Variants in GPC6 observed in about 807,000 individuals in gnomAD.
GPC6 encodes glypican 6, also known as glypican-6.
A neutral mutation model predicts 55.2 loss-of-function variants in GPC6; 14 were observed. The ratio of observed to expected loss-of-function variants is 0.25; its 90% CI spans 0.17 to 0.40. The LOEUF (loss-of-function observed/expected upper bound fraction) is 0.40, where lower values mean the gene tolerates loss of function less well. Ranked by LOEUF, GPC6 falls within the 10% of genes least tolerant of loss-of-function variation. The pLI, the probability that GPC6 is intolerant of heterozygous loss-of-function variation, is 1.00. For missense variants in GPC6, 641 were observed against 708.5 expected (o/e 0.90, Z 1.08); for synonymous variants, 278 against 259.6 (o/e 1.07, Z -0.68).
intron 7 of GPC6, among the ~76,000 whole-genome samples, chr13:94,386,579 G>A (rs556173445): frequency 1.7e-4 from 26 of 152,180 alleles, no homozygotes; most frequent in African/African-American, 5.8e-4. Context: ...AACAGAGTGA[G>A]ATTCTATCTC....
At chr13:93,380,772 C>G (rs1594131269) in intron 1 of GPC6, among the ~76,000 whole-genome samples, 1 of 152,130 alleles carries the variant, frequency 6.6e-6, no homozygotes, top group Admixed American at 6.6e-5. Flanking sequence ...GTCCTGTTCC[C>G]TCTTTATGTT....
chr13:93,463,480 C>T (rs1445272), intron 1 of GPC6, among the ~76,000 whole-genome samples: 27,705 of 152,054 alleles, frequency 0.18, 3,047 homozygotes, highest in East Asian at 0.48. Flanking sequence ...GATTCAAGTA[C>T]TAGATCCACT....
chr13:93,250,057 G>A (rs1876732368), intron 1 of GPC6, among the ~76,000 whole-genome samples: 1 of 152,122 alleles, frequency 6.6e-6, no homozygotes, highest in Non-Finnish European at 1.5e-5. Flanking sequence ...GTGGTGCAGT[G>A]GCTTTGACTC....
At chr13:93,771,140 A>C (rs1346198594) in intron 2 of GPC6, among the ~76,000 whole-genome samples, 3 of 152,184 alleles carry the variant, frequency 2.0e-5, no homozygotes. Context: ...AGAATAAGCA[A>C]ACAAGTCATC....
chr13:94,233,116 A>G (rs1427146296), intron 4 of GPC6, among the ~76,000 whole-genome samples: 1 of 149,528 alleles, frequency 6.7e-6, no homozygotes, highest in East Asian at 2.0e-4. Context: ...ACCACAATGT[A>G]CCCATCACTG....
rs556031631 is a variant in GPC6 at position 93,596,159 on chromosome 13, T to C, written c.319+50738T>C. 7.9e-5 allele frequency among the ~76,000 whole-genome samples: 12 copies of C among 151,856 alleles called. No homozygotes were observed. In the East Asian group the frequency reaches 1.9e-3, roughly 24 times the overall value. On this transcript the variant is annotated intron_variant, in intron 2 of 8. Coordinates refer to ENST00000377047, the MANE Select transcript of GPC6 (RefSeq NM_005708.5). ...CTCAGAGCAGACCAGGGCTAGGAGATGGGATCAGAGGCCAGAGGCCAGAGG... is the reference window on the plus strand; with the variant it reads ...CTCAGAGCAGACCAGGGCTAGGAGACGGGATCAGAGGCCAGAGGCCAGAGG...
Position 93,844,545 on chromosome 13 carries a change from C to A in GPC6, c.711+14000C>A, listed in dbSNP as rs561591184. The stretch of plus-strand genomic sequence containing the variant: ...GTTCATTGTAGATTCTGGATATTAG[C>A]CCTTTTTCAGATGAGTAGGTTGCGA... On this transcript the variant is annotated intron_variant, in intron 3 of 8. Coordinates refer to ENST00000377047, the MANE Select transcript of GPC6 (RefSeq NM_005708.5). 2.7e-3 allele frequency among the ~76,000 whole-genome samples: 402 copies of A among 151,532 alleles called. 2 individuals carry two copies. Among genetic ancestry groups the A allele is most frequent in the South Asian group, 4.6e-3 (22 of 4,766 alleles).
chr13:93,334,011 C>T (rs1423039397), intron 1 of GPC6, among the ~76,000 whole-genome samples: 1 of 152,056 alleles, frequency 6.6e-6, no homozygotes, highest in Non-Finnish European at 1.5e-5. Context: ...TTAGGAAATT[C>T]TTCCCTGTCA....
intron 1 of GPC6, among the ~76,000 whole-genome samples, chr13:93,317,311 A>G (rs2139117649): frequency 6.6e-6 from 1 of 152,230 alleles, no homozygotes; most frequent in African/African-American, 2.4e-5. Context: ...CAGACACCTC[A>G]ATGTTTTCCT....
At position 93,696,433 on chromosome 13, in the gene GPC6, C is replaced by T. The variant is rs1255319827; in HGVS notation, c.320-133721C>T. On this transcript the variant is annotated intron_variant, in intron 2 of 8. Coordinates refer to ENST00000377047, the MANE Select transcript of GPC6 (RefSeq NM_005708.5). Reference sequence around the variant, plus strand: ...CCTTTTCTCAATCTTAGTCTAACTACTATTTGGACTATTTTAATACACCTT... The same window carrying T: ...CCTTTTCTCAATCTTAGTCTAACTATTATTTGGACTATTTTAATACACCTT... Among the ~76,000 whole-genome samples the T allele has an allele frequency of 2.6e-5, 4 of 152,122 alleles. No homozygotes were observed. The East Asian group carries it at 5.8e-4, about 22-fold the overall frequency.
intron 4 of GPC6, among the ~76,000 whole-genome samples, chr13:94,272,890 C>G (rs1892090297): frequency 6.6e-6 from 1 of 152,136 alleles, no homozygotes; most frequent in Admixed American, 6.5e-5. Context: ...CCACACATGC[C>G]CAGCCACATC....
At chr13:94,188,009 G>C (rs1458131939) in intron 4 of GPC6, 1 of 152,196 alleles carries the variant, frequency 6.6e-6, no homozygotes, top group Non-Finnish European at 1.5e-5. Flanking sequence ...TGTGTGAGTA[G>C]AGAAGTGACA....
chr13:94,109,119 G>A (rs934080610), intron 4 of GPC6, among the ~76,000 whole-genome samples: 1 of 152,168 alleles, frequency 6.6e-6, no homozygotes, highest in African/African-American at 2.4e-5. Context: ...TTAACTATGT[G>A]AAATTCTGAT....
intron 1 of GPC6, among the ~76,000 whole-genome samples, chr13:93,543,318 G>A (rs1752061286): frequency 6.6e-6 from 1 of 152,046 alleles, no homozygotes; most frequent in South Asian, 2.1e-4. Flanking sequence ...TTATATGCTG[G>A]ATTACATTTA....
chr13:93,544,072 T>C (rs1425208518), intron 1 of GPC6, among the ~76,000 whole-genome samples: 1 of 147,068 alleles, frequency 6.8e-6, no homozygotes, highest in African/African-American at 2.5e-5. Context: ...ACGGTGAGCC[T>C]TTTTTTTTTG....
chr13:93,567,265 G>T (rs1876175745), intron 2 of GPC6, among the ~76,000 whole-genome samples: 1 of 152,152 alleles, frequency 6.6e-6, no homozygotes, highest in Non-Finnish European at 1.5e-5. Context: ...TGAAGATGGA[G>T]TGACTACCTT....
chr13:93,864,239 A>T (rs1480515005), intron 3 of GPC6, among the ~76,000 whole-genome samples: 1 of 151,690 alleles, frequency 6.6e-6, no homozygotes, highest in Non-Finnish European at 1.5e-5. Flanking sequence ...ATAAGATGAT[A>T]ACTGCCTTTC....
chr13:94,289,860 T>C (rs1874860984), intron 5 of GPC6, among the ~76,000 whole-genome samples: 1 of 152,184 alleles, frequency 6.6e-6, no homozygotes, highest in Non-Finnish European at 1.5e-5. Context: ...GAAGAAATAA[T>C]ACGGTTTTAT....
At position 94,049,651 on chromosome 13, in the gene GPC6, T is replaced by C. The variant is rs143938483; in HGVS notation, c.877+21757T>C. Reference sequence around the variant, plus strand: ...CCAGTCATTCCATTGAGACTTTCACTCAAAATGCACCTTCTTAGTGACTCT... The same window carrying C: ...CCAGTCATTCCATTGAGACTTTCACCCAAAATGCACCTTCTTAGTGACTCT... On this transcript the variant is annotated intron_variant, in intron 4 of 8. Transcript: ENST00000377047. Among the ~76,000 whole-genome samples, 386 of 152,164 alleles carry C rather than the reference T, an allele frequency of 2.5e-3. 1 individual carries two copies. Among genetic ancestry groups the C allele is most frequent in the African/African-American group, 9.0e-3 (372 of 41,514 alleles).
Sources: gnomAD v4.1 joint callset for allele counts (sites outside exome capture counted in the v4.1 genomes callset) on GRCh38, gnomAD v4.1.1 for gene constraint, MANE v1.5 for transcripts, NCBI Gene and HGNC (gene_info 2026-07-23, HGNC 2026-07-21) for gene names.